PKIB: variants seen among roughly 807,000 people sequenced by gnomAD.
PKIB encodes the protein cAMP-dependent protein kinase inhibitor beta.
In PKIB, 2 loss-of-function variants were observed where a neutral mutation model predicts 4.5. The observed-to-expected ratio is 0.44, with a 90% CI of 0.18 to 1.39. The LOEUF is 1.39. Among genes scored for constraint, PKIB ranks in the 40% most tolerant of loss-of-function variants. The pLI is 0.27. For synonymous variants in PKIB, 38 were observed against 36.0 expected (o/e 1.06, Z -0.20); for missense variants, 94 against 92.6 (o/e 1.02, Z -0.06).
intron 1 of PKIB, among the ~76,000 whole-genome samples, chr6:122,630,492 T>A (rs1030859792): frequency 3.9e-5 from 6 of 152,090 alleles, no homozygotes; most frequent in African/African-American, 1.4e-4. Context: ...GTAAAATTTA[T>A]AGAAACAGTA....
intron 2 of PKIB, among the ~76,000 whole-genome samples, chr6:122,645,391 T>G (rs1776271045): frequency 6.6e-6 from 1 of 152,132 alleles, no homozygotes; most frequent in Non-Finnish European, 1.5e-5. Flanking sequence ...TGGGAGAAAG[T>G]CCAACCGAGC....
intron 3 of PKIB, among the ~76,000 whole-genome samples, chr6:122,600,310 G>A (rs113327502): frequency 5.2e-4 from 79 of 152,266 alleles, no homozygotes; most frequent in Middle Eastern, 3.4e-3. Flanking sequence ...GGGTGGATCT[G>A]CCTTTCCCAG....
intron 1 of PKIB, among the ~76,000 whole-genome samples, chr6:122,623,624 A>G (rs1775322354): frequency 6.6e-6 from 1 of 152,076 alleles, no homozygotes; most frequent in African/African-American, 2.4e-5. Flanking sequence ...TGGCTTTGAG[A>G]TCTGTACTCT....
At chr6:122,670,165 A>AC (rs1554229996) in intron 2 of PKIB, among the ~76,000 whole-genome samples, 1 of 152,068 alleles carries the variant, frequency 6.6e-6, no homozygotes, top group Non-Finnish European at 1.5e-5. Flanking sequence ...TTCAGTATGT[A>AC]ACCTGGAAGT....
chr6:122,488,760 C>T (rs144429084), intron 2 of PKIB, among the ~76,000 whole-genome samples: 2,109 of 152,256 alleles, frequency 0.014, 23 homozygotes, highest in Non-Finnish European at 0.017. Context: ...GCTCACTGCT[C>T]CTGGGATTAA....
At chr6:122,712,391 C>T (rs1298059404) in intron 3 of PKIB, among the ~76,000 whole-genome samples, 3 of 152,060 alleles carry the variant, frequency 2.0e-5, no homozygotes, top group Non-Finnish European at 2.9e-5. Flanking sequence ...GGAAGAGGTT[C>T]GTGTGTTTCA....
chr6:122,504,713 G>A (rs1776345380), intron 2 of PKIB, among the ~76,000 whole-genome samples: 1 of 152,050 alleles, frequency 6.6e-6, no homozygotes, highest in African/African-American at 2.4e-5. Context: ...CATTTCTATT[G>A]TATTTTGTTA....
chr6:122,493,396 A>T (rs1164141402), intron 2 of PKIB: 1 of 152,240 alleles, frequency 6.6e-6, no homozygotes, highest in Non-Finnish European at 1.5e-5. Flanking sequence ...TAGCCTTCAG[A>T]AATGTGAGAA....
chr6:122,609,282 A>C (rs1774652147), upstream of PKIB, among the ~76,000 whole-genome samples: 1 of 152,230 alleles, frequency 6.6e-6, no homozygotes, highest in African/African-American at 2.4e-5. Context: ...CTAAGTTCAA[A>C]ACTGATTTGG....
At chr6:122,583,732 G>A (rs1169234946) in intron 2 of PKIB, among the ~76,000 whole-genome samples, 1 of 151,992 alleles carries the variant, frequency 6.6e-6, no homozygotes. Flanking sequence ...CAATAACAAT[G>A]ATTACCCATT....
chr6:122,542,712 C>T (rs1038729120), intron 2 of PKIB, among the ~76,000 whole-genome samples: 3 of 152,098 alleles, frequency 2.0e-5, no homozygotes, highest in Non-Finnish European at 2.9e-5. Flanking sequence ...TCTCCAGCTA[C>T]GTGCTTGGAG....
chr6:122,692,391 G>T (rs143781983), intron 3 of PKIB, among the ~76,000 whole-genome samples: 2 of 152,262 alleles, frequency 1.3e-5, no homozygotes, highest in Middle Eastern at 3.4e-3. Context: ...AGCTAAGCTG[G>T]CACTCAGACC....
chr6:122,497,468 C>T (rs1284498129), intron 2 of PKIB, among the ~76,000 whole-genome samples: 1 of 152,138 alleles, frequency 6.6e-6, no homozygotes, highest in Non-Finnish European at 1.5e-5. Flanking sequence ...CATCTGCTGT[C>T]TTCAAGAGAC....
intron 2 of PKIB, chr6:122,493,224 G>T (rs1775986881): frequency 6.6e-6 from 1 of 152,210 alleles, no homozygotes; most frequent in South Asian, 2.1e-4. Context: ...TGTGTTAGGA[G>T]TTAGGACCTT....
At chr6:122,672,045 A>T (rs779172632) in intron 2 of PKIB, among the ~76,000 whole-genome samples, 1 of 152,206 alleles carries the variant, frequency 6.6e-6, no homozygotes, top group Non-Finnish European at 1.5e-5. Flanking sequence ...CTGCAAGCAA[A>T]TACTGATTGT....
intron 2 of PKIB, among the ~76,000 whole-genome samples, chr6:122,510,880 C>T (rs9490463): frequency 0.14 from 20,579 of 151,946 alleles, 1,515 homozygotes; most frequent in East Asian, 0.26. Flanking sequence ...CAATAATAGG[C>T]GCAGCAAGCC....
chr6:122,569,546 C>T lies in PKIB; in HGVS notation c.-247-16375C>T, dbSNP rs150588493. Among the ~76,000 whole-genome samples the T allele has an allele frequency of 4.7e-3, 721 of 152,280 alleles. 1 individual carries two copies. Among genetic ancestry groups the T allele is most frequent in the Non-Finnish European group, 8.9e-3 (605 of 67,972 alleles). ...ACTTGAGAAAGCCAGCACACTAAGC[C>T]TATCAACCAAGGAATCTCACAGAGT... On this transcript the variant is annotated intron_variant, in intron 2 of 6. Coordinates refer to the PKIB transcript ENST00000392491.
intron 2 of PKIB, among the ~76,000 whole-genome samples, chr6:122,580,754 A>G (rs1773679620): frequency 6.6e-6 from 1 of 152,158 alleles, no homozygotes; most frequent in African/African-American, 2.4e-5. Context: ...AACTTTTAAA[A>G]AAGATTGAAT....
At chr6:122,666,135 T>C (rs1272140429) in intron 2 of PKIB, among the ~76,000 whole-genome samples, 2 of 152,190 alleles carry the variant, frequency 1.3e-5, no homozygotes, top group Non-Finnish European at 2.9e-5. Context: ...TATACTGTCT[T>C]TAATGTTAGT....
Sources: allele counts gnomAD v4.1 joint callset (sites outside exome capture counted in the v4.1 genomes callset), GRCh38; gene constraint gnomAD v4.1.1; transcripts MANE v1.5; gene names NCBI Gene and HGNC (gene_info 2026-07-23, HGNC 2026-07-21).